Variants in APMAP observed in about 807,000 individuals in gnomAD.
APMAP encodes adipocyte plasma membrane associated protein.
In APMAP, 33 loss-of-function variants were observed where a neutral mutation model predicts 43.6. The observed-to-expected ratio is 0.76, with a 90% CI of 0.57 to 1.01. The LOEUF is 1.01. Among genes scored for constraint, APMAP ranks in the 50% least tolerant of loss-of-function variants. The pLI, the probability that APMAP is intolerant of heterozygous loss-of-function variation, is 0.00. For missense variants in APMAP, 498 were observed against 540.7 expected (o/e 0.92, Z 0.78); for synonymous variants, 224 against 216.7 (o/e 1.03, Z -0.30).
intron 2 of APMAP, among the ~76,000 whole-genome samples, chr20:24,982,851 CCT>C (rs565484456): frequency 9.2e-4 from 140 of 152,266 alleles, no homozygotes; most frequent in Middle Eastern, 3.4e-3. Context: ...GCCACCCACC[CCT>C]GACGCCCCTC....
At chr20:24,990,193 C>T (rs886278655) in intron 1 of APMAP, among the ~76,000 whole-genome samples, 3 of 152,154 alleles carry the variant, frequency 2.0e-5, no homozygotes, top group African/African-American at 7.2e-5. Flanking sequence ...CATCTATGTT[C>T]CACACTGAAT....
intron 6 of APMAP, 86 bp downstream of exon 6, chr20:24,970,111 T>C: frequency 2.7e-6 from 4 of 1,496,828 alleles, no homozygotes; most frequent in South Asian, 1.2e-5. Flanking sequence ...AAATACTCCC[T>C]TGGTCCCTAG....
intron 1 of APMAP, among the ~76,000 whole-genome samples, chr20:24,989,946 G>GA (rs1395450817): frequency 6.6e-6 from 1 of 152,112 alleles, no homozygotes; most frequent in East Asian, 1.9e-4. Flanking sequence ...GAAGTTTATT[G>GA]AAAAAGGAGA....
Position 24,964,027 on chromosome 20 carries a change from A to G in APMAP, c.1042-5T>C, listed in dbSNP as rs1271165200. 1.2e-6 allele frequency: 2 copies of G among 1,614,038 alleles called. No individual in the cohort carries two copies. Among genetic ancestry groups the G allele is most frequent in the Admixed American group, 3.3e-5 (2 of 60,028 alleles). On this transcript the variant is annotated splice_polypyrimidine_tract_variant and splice_region_variant and intron_variant, in intron 8 of 8. Transcript: ENST00000217456. The stretch of plus-strand genomic sequence containing the variant: ...CACCGTCTCTTGACTAAAGAGCTAG[A>G]GGGAAGCACAGTGCAGGGAAAGTTC...
intron 2 of APMAP, 51 bp downstream of exon 2, chr20:24,983,852 C>T (rs369493401): frequency 2.5e-5 from 31 of 1,241,788 alleles, no homozygotes; most frequent in Non-Finnish European, 3.6e-5. Context: ...ATTATTTCAG[C>T]CTATTACATT....
chr20:24,975,650 T>G (rs1201351207), intron 3 of APMAP, among the ~76,000 whole-genome samples: 1 of 152,224 alleles, frequency 6.6e-6, no homozygotes, highest in Admixed American at 6.5e-5. Flanking sequence ...CAGCAAGTTA[T>G]TTTGTAGATA....
At chr20:24,981,272 T>C (rs899366319) in intron 2 of APMAP, among the ~76,000 whole-genome samples, 1 of 152,344 alleles carries the variant, frequency 6.6e-6, no homozygotes, top group East Asian at 1.9e-4. Context: ...CAGAGTAGTT[T>C]TCAAGATCCC....
Position 24,964,037 on chromosome 20 carries a change from A to G in APMAP, c.1042-15T>C. On this transcript the variant is annotated splice_polypyrimidine_tract_variant and intron_variant, in intron 8 of 8. Transcript: ENST00000217456. The stretch of plus-strand genomic sequence containing the variant: ...TGACTAAAGAGCTAGAGGGAAGCAC[A>G]GTGCAGGGAAAGTTCACCAGCTGGC... 1.2e-6 allele frequency: 2 copies of G among 1,613,076 alleles called. No homozygotes were observed. The highest frequency in any genetic ancestry group is 8.5e-7 in the Non-Finnish European group (1 of 1,179,128).
At position 24,970,177 on chromosome 20, in the gene APMAP, G is replaced by A. The variant is rs1357125759; in HGVS notation, c.713+20C>T. On this transcript the variant is annotated intron_variant, in intron 6 of 8. Transcript: ENST00000217456. ...TGGCTGGTGAACTCAACAAATGGGA[G>A]ACCTGGAGCAAGGCCTCACCGCCCG... 1 of 1,613,592 alleles carries A rather than the reference G, an allele frequency of 6.2e-7. No individual in the cohort carries two copies. Among genetic ancestry groups the A allele is most frequent in the African/African-American group, 1.3e-5 (1 of 75,030 alleles).
chr20:24,989,007 G>A (rs1356579344), intron 1 of APMAP, among the ~76,000 whole-genome samples: 1 of 151,606 alleles, frequency 6.6e-6, no homozygotes, highest in African/African-American at 2.4e-5. Flanking sequence ...TTAGCCCAAG[G>A]TCCATTAACT....
At chr20:24,987,767 T>C (rs2088160659) in intron 1 of APMAP, among the ~76,000 whole-genome samples, 1 of 152,124 alleles carries the variant, frequency 6.6e-6, no homozygotes, top group African/African-American at 2.4e-5. Flanking sequence ...GTATGTGAAT[T>C]ACATCTCAAT....
rs1236120986 is a variant in APMAP at position 24,983,960 on chromosome 20, A to G, written c.155T>C (p.Val52Ala). ...CAGCATCATGGCTCCAAGCAGGGGA[A>G]CGGTGAGAGAAACAGCCAGCATCAA... ...TFLMLAVSLTVPLLGAMMLLE... is the reference protein window; with the variant it reads ...TFLMLAVSLTAPLLGAMMLLE... Residue 52 changes from valine (V) to alanine (A), a missense_variant, in exon 2 of 9, where the codon GTT (valine) becomes GCT (alanine). Coordinates refer to ENST00000217456, the MANE Select transcript of APMAP (RefSeq NM_020531.3). 1 of 1,613,942 alleles carries G rather than the reference A, an allele frequency of 6.2e-7. No individual in the cohort carries two copies. The highest frequency in any genetic ancestry group is 8.5e-7 in the Non-Finnish European group (1 of 1,179,982).
chr20:24,982,659 C>A (rs954413092), intron 2 of APMAP, among the ~76,000 whole-genome samples: 1 of 152,178 alleles, frequency 6.6e-6, no homozygotes, highest in Non-Finnish European at 1.5e-5. Context: ...CCAAGGCCAG[C>A]CCCCCAACCC....
intron 8 of APMAP, among the ~76,000 whole-genome samples, chr20:24,964,759 G>T (rs184367113): frequency 4.9e-4 from 74 of 152,250 alleles, no homozygotes; most frequent in African/African-American, 1.5e-3. Context: ...CCAAGGAATG[G>T]AAATTAACAG....
chr20:24,973,529 TG>T, intron 4 of APMAP, 115 bp downstream of exon 4: 1 of 977,818 alleles, frequency 1.0e-6, no homozygotes, highest in Non-Finnish European at 1.5e-6. Flanking sequence ...ATCTACTAGA[TG>T]GTCAGAGGTT....
intron 1 of APMAP, among the ~76,000 whole-genome samples, chr20:24,991,332 A>C (rs970436910): frequency 2.6e-5 from 4 of 152,308 alleles, no homozygotes; most frequent in East Asian, 1.9e-4. Context: ...ATTCACAGTA[A>C]GTAGGGTGAT....
intron 2 of APMAP, among the ~76,000 whole-genome samples, chr20:24,981,351 T>A (rs2088103069): frequency 6.6e-6 from 1 of 152,182 alleles, no homozygotes. Flanking sequence ...CTGGCACAAG[T>A]GAAGAAAGCC....
In APMAP at chr20:24,978,669, C is replaced by T. The variant is rs940069086; in HGVS notation, c.328+98G>A. On this transcript the variant is annotated intron_variant, in intron 3 of 8. Coordinates refer to ENST00000217456, the MANE Select transcript of APMAP (RefSeq NM_020531.3). ...TAAGAAGGATGTGCAGGGCCCCAGTCCAGGGGCAGCGTGCCACTGCAGCTG... is the reference window on the plus strand; with the variant it reads ...TAAGAAGGATGTGCAGGGCCCCAGTTCAGGGGCAGCGTGCCACTGCAGCTG... 5 of 965,612 alleles carry T rather than the reference C, an allele frequency of 5.2e-6. No homozygotes were observed. In the East Asian group the frequency reaches 1.3e-4, roughly 24 times the overall value. 59.8% of individuals were successfully genotyped at this position (965,612 alleles called of 1,614,324 possible).
chr20:24,971,956 C>A (rs2122495689), intron 4 of APMAP, among the ~76,000 whole-genome samples: 1 of 147,092 alleles, frequency 6.8e-6, no homozygotes, highest in East Asian at 2.1e-4. Flanking sequence ...GTGCTTATTG[C>A]AGGGTGCTCA....
Sources: allele counts gnomAD v4.1 joint callset (sites outside exome capture counted in the v4.1 genomes callset), GRCh38; gene constraint gnomAD v4.1.1; transcripts MANE v1.5; gene names NCBI Gene and HGNC (gene_info 2026-07-23, HGNC 2026-07-21).